PKHD1: variants seen among roughly 807,000 people sequenced by gnomAD.
The protein encoded by PKHD1 is PKHD1 ciliary IPT domain containing fibrocystin/polyductin.
PKHD1 carries 291 observed loss-of-function variants against 412.0 expected under a neutral mutation model. The observed-to-expected ratio is 0.71, with a 90% confidence interval of 0.64 to 0.78. The LOEUF (loss-of-function observed/expected upper bound fraction) is 0.78, where lower values mean the gene tolerates loss of function less well. PKHD1 is among the 30% of genes least tolerant of loss of function. PKHD1 has a pLI of 0.00. For missense variants in PKHD1, 4,825 were observed against 4,950.7 expected (o/e 0.97, Z 0.76); for synonymous variants, 1,777 against 1,821.5 (o/e 0.98, Z 0.62).
chr6:51,779,090 C>T (rs1022490729), intron 53 of PKHD1, among the ~76,000 whole-genome samples: 7 of 152,094 alleles, frequency 4.6e-5, no homozygotes, highest in Admixed American at 3.3e-4. Flanking sequence ...TAGTAGGGGA[C>T]AAGGACAAAG....
intron 4 of PKHD1, among the ~76,000 whole-genome samples, chr6:52,081,805 T>G (rs897375782): frequency 3.3e-5 from 5 of 151,456 alleles, no homozygotes; most frequent in African/African-American, 4.8e-5. Context: ...AATAACAGTG[T>G]TTTTTTTCTC....
At chr6:51,646,598 CTT>C (rs1770115741) in intron 63 of PKHD1, among the ~76,000 whole-genome samples, 1 of 152,166 alleles carries the variant, frequency 6.6e-6, no homozygotes, top group Non-Finnish European at 1.5e-5. Context: ...CCAGGTTGTA[CTT>C]ACCTTTTCAT....
chr6:51,744,521 G>C lies in PKHD1; in HGVS notation c.10020C>G (p.Val3340=). 1 of 1,613,164 alleles carries C rather than the reference G, an allele frequency of 6.2e-7. No homozygotes were observed. Among genetic ancestry groups the C allele is most frequent in the Non-Finnish European group, 8.5e-7 (1 of 1,179,194 alleles). ...LQPRKDLGKV[V]CPELDCASPR... ...GACTTGCACAGTCTAATTCAGGACA[G>C]ACTACTTTTCCTAAATCTTTCCTGT... Residue 3340 remains valine (V), a synonymous_variant, in exon 60 of 67, where the codon GTC becomes GTG. Coordinates refer to ENST00000371117, the MANE Select transcript of PKHD1 (RefSeq NM_138694.4).
chr6:52,012,491 G>A (rs1028994228), intron 34 of PKHD1, among the ~76,000 whole-genome samples: 3 of 152,206 alleles, frequency 2.0e-5, no homozygotes, highest in Non-Finnish European at 2.9e-5. Context: ...GGCAGACAAA[G>A]TCACAGGATA....
At chr6:51,994,555 T>C (rs548453922) in intron 35 of PKHD1, among the ~76,000 whole-genome samples, 1 of 152,264 alleles carries the variant, frequency 6.6e-6, no homozygotes, top group East Asian at 1.9e-4. Flanking sequence ...TTGGTTTTGT[T>C]TTTTTGGGTT....
chr6:51,988,867 C>T (rs1796529101), intron 35 of PKHD1, among the ~76,000 whole-genome samples: 1 of 152,150 alleles, frequency 6.6e-6, no homozygotes, highest in Non-Finnish European at 1.5e-5. Flanking sequence ...ACTCTTATAC[C>T]TTTGACAGAG....
chr6:51,908,118 A>G (rs969005140), intron 40 of PKHD1, among the ~76,000 whole-genome samples: 1 of 152,162 alleles, frequency 6.6e-6, no homozygotes, highest in Non-Finnish European at 1.5e-5. Context: ...AGAAGGAAAT[A>G]AAGATACTAA....
In PKHD1 at chr6:52,028,205, G is replaced by C. The variant is rs554000894; in HGVS notation, c.3511C>G (p.Leu1171Val). ...EVALPPLPAG[L>V]HRISVSINGV... ...TTGATAGAGACGGAAATTCTGTGGA[G>C]ACCAGCTGGCAGTGGGGGCAGTGCC... The change falls in exon 30 of 67, where the codon CTC (leucine) becomes GTC (valine). Residue 1171 changes from leucine (L) to valine (V), a missense_variant. Transcript: ENST00000371117. 9.3e-6 allele frequency: 15 copies of C among 1,614,106 alleles called. No homozygotes were observed. The East Asian group carries it at 3.3e-4, about 36-fold the overall frequency.
At chr6:51,895,713 C>T (rs775998204) in intron 43 of PKHD1, among the ~76,000 whole-genome samples, 12 of 152,176 alleles carry the variant, frequency 7.9e-5, no homozygotes, top group Admixed American at 5.2e-4. Flanking sequence ...CCAGTGTGAG[C>T]GACACAGAAG....
intron 52 of PKHD1, among the ~76,000 whole-genome samples, chr6:51,809,012 A>G (rs1348800495): frequency 3.3e-5 from 5 of 152,142 alleles, no homozygotes; most frequent in Admixed American, 3.3e-4. Context: ...CACAAAGAAA[A>G]TCAGAAAACT....
chr6:51,912,443 T>G lies in PKHD1; in HGVS notation c.6255A>C (p.Lys2085Asn). The G allele has an allele frequency of 6.2e-7, 1 of 1,612,978 alleles. No individual in the cohort carries two copies. The highest frequency in any genetic ancestry group is 8.5e-7 in the Non-Finnish European group (1 of 1,179,120). ...CAATCTCTTCCATCGGTTTGGCACC[T>G]TTAACACCTGTTCCACTGATGATGA... is the stretch of plus-strand genomic sequence containing the variant. ...EVVIISGTGVKGAKPMEEIVT... is the reference protein window; with the variant it reads ...EVVIISGTGVNGAKPMEEIVT... Residue 2085 changes from lysine (K) to asparagine (N), a missense_variant, in exon 38 of 67, where the codon AAA becomes AAC. Lys to Asn is a moderately conservative substitution (Grantham distance 94, BLOSUM62 0). Coordinates refer to ENST00000371117, the MANE Select transcript of PKHD1 (RefSeq NM_138694.4).
chr6:51,988,811 A>C (rs1030800284), intron 35 of PKHD1, among the ~76,000 whole-genome samples: 2 of 152,192 alleles, frequency 1.3e-5, no homozygotes, highest in Admixed American at 1.3e-4. Flanking sequence ...GTTGTTAGGG[A>C]CTAGGACCCA....
chr6:51,830,523 C>T (rs1768059804), intron 52 of PKHD1, among the ~76,000 whole-genome samples: 2 of 152,162 alleles, frequency 1.3e-5, no homozygotes. Context: ...CTTCCATACC[C>T]TCTGTGTCTT....
At chr6:52,055,476 G>T in intron 19 of PKHD1, 111 bp downstream of exon 19, 1 of 1,223,634 alleles carries the variant, frequency 8.2e-7, no homozygotes, top group South Asian at 1.2e-5. Context: ...GAAACACCTT[G>T]GGCAGATCAC....
chr6:52,056,968 T>TA lies in PKHD1; in HGVS notation c.1523dup (p.Ser509IlefsTer15). ...TAAGGAAGAAGTTTCCTCTGCCTGA[T>TA]ACATTCAGCACCTAAAAAAGTCAAG... On this transcript the variant is annotated frameshift_variant, in exon 17 of 67. Transcript: ENST00000371117. LOFTEE classifies it high-confidence loss of function. 1 of 1,612,806 alleles carries TA rather than the reference T, an allele frequency of 6.2e-7. No homozygotes were observed. Among genetic ancestry groups the TA allele is most frequent in the Non-Finnish European group, 8.5e-7 (1 of 1,178,794 alleles).
rs187804607 is a variant in PKHD1 at position 51,860,549 on chromosome 6, G to A, written c.7734-4479C>T. 1.5e-3 allele frequency among the ~76,000 whole-genome samples: 232 copies of A among 152,286 alleles called. 2 individuals are homozygous for A. The highest frequency in any genetic ancestry group is 5.3e-3 in the African/African-American group (219 of 41,562). The stretch of plus-strand genomic sequence containing the variant: ...GCACAAAAGTATTTCTAATTTGGAG[G>A]AGCCAAGGGAGTCTGCATGGGCCAT... On this transcript the variant is annotated intron_variant, in intron 48 of 66. Transcript: ENST00000371117.
At chr6:51,645,195 A>G (rs765346322) in intron 63 of PKHD1, among the ~76,000 whole-genome samples, 31 of 152,190 alleles carry the variant, frequency 2.0e-4, no homozygotes, top group Non-Finnish European at 3.8e-4. Context: ...AGTGCTTGAA[A>G]TCACACTTCT....
intron 33 of PKHD1, 56 bp from the exon 34 acceptor site, chr6:52,017,685 G>T: frequency 7.4e-7 from 1 of 1,348,358 alleles, no homozygotes; most frequent in Non-Finnish European, 1.1e-6. Context: ...AAGGCCTCTA[G>T]TCGGTTTCAC....
At chr6:51,869,952 C>T (rs1427056421) in intron 47 of PKHD1, among the ~76,000 whole-genome samples, 1 of 152,112 alleles carries the variant, frequency 6.6e-6, no homozygotes, top group Non-Finnish European at 1.5e-5. Context: ...TTCACCTTGG[C>T]CCATGAGTCC....
Sources: allele counts gnomAD v4.1 joint callset (sites outside exome capture counted in the v4.1 genomes callset), GRCh38; gene constraint gnomAD v4.1.1; transcripts MANE v1.5; gene names NCBI Gene and HGNC (gene_info 2026-07-23, HGNC 2026-07-21).